RSL1D1: variants seen among roughly 807,000 people sequenced by gnomAD.
The protein encoded by RSL1D1 is ribosomal L1 domain-containing protein 1.
Under a neutral mutation model 44.6 loss-of-function variants are expected in RSL1D1, and 34 were observed. The ratio of observed to expected loss-of-function variants is 0.76; its 90% CI spans 0.58 to 1.02. The LOEUF (loss-of-function observed/expected upper bound fraction) is 1.02. RSL1D1 is among the 50% of genes least tolerant of loss of function. The probability of loss-of-function intolerance (pLI) is 0.00; values close to 1 mark genes in which losing one functional copy is unlikely to be tolerated. For synonymous variants in RSL1D1, 271 were observed against 207.4 expected, an observed-to-expected ratio of 1.31 and a Z score of -2.63; for missense variants, 767 against 568.1, an observed-to-expected ratio of 1.35 and a Z score of -3.56.
At chr16:11,844,660 C>G (rs1218719422) in intron 5 of RSL1D1, among the ~76,000 whole-genome samples, 1 of 152,198 alleles carries the variant, frequency 6.6e-6, no homozygotes, top group African/African-American at 2.4e-5. Context: ...CCCTGGTGAG[C>G]AGAGGCAAGA....
rs759239307 is a variant in RSL1D1, at chr16:11,837,956, T to C, written c.1304A>G (p.Lys435Arg). 18 of 1,613,996 alleles carry C rather than the reference T, an allele frequency of 1.1e-5. No homozygotes were observed. In the East Asian group the frequency reaches 3.3e-4, roughly 30 times the overall value. ...ACTTTTTTCCTTCACTGCCTCTTCTTTGATTTTTGGCTTCTTCTCTGGGCT... is the reference window on the plus strand; with the variant it reads ...ACTTTTTTCCTTCACTGCCTCTTCTCTGATTTTTGGCTTCTTCTCTGGGCT... ...GKSPEKKPKI[K>R]EEAVKEKSPS... Residue 435 changes from lysine to arginine, a missense_variant, in exon 9 of 9, where the codon AAA becomes AGA. Physicochemically the swap from Lys to Arg is conservative, Grantham distance 26. Coordinates refer to ENST00000571133, the MANE Select transcript of RSL1D1 (RefSeq NM_015659.3).
chr16:11,841,623 TC>T, intron 7 of RSL1D1, 71 bp downstream of exon 7: 1 of 1,407,438 alleles, frequency 7.1e-7, no homozygotes, highest in East Asian at 2.3e-5. Flanking sequence ...GCGATGATGG[TC>T]TACTTCTCTC....
At position 11,835,896 on chromosome 16, in the gene RSL1D1, G is replaced by A. The variant is rs186833204; in HGVS notation, c.*1891C>T. On this transcript the variant is annotated 3_prime_UTR_variant, in exon 9 of 9. Transcript: ENST00000571133. ...GGAACACCAAGCTCTGTGCTAAAGGGTGGAAGGCTGCCCTGACGCACCATA... is the reference window on the plus strand; with the variant it reads ...GGAACACCAAGCTCTGTGCTAAAGGATGGAAGGCTGCCCTGACGCACCATA... 1.1e-3 allele frequency: 160 copies of A among 152,272 alleles called. No individual in the cohort carries two copies. Among genetic ancestry groups the A allele is most frequent in the Non-Finnish European group, 1.8e-3 (124 of 68,026 alleles). 9.4% of individuals were successfully genotyped at this position (152,272 alleles called of 1,614,324 possible).
At chr16:11,839,237 G>T (rs1318088723) in intron 8 of RSL1D1, among the ~76,000 whole-genome samples, 1 of 151,638 alleles carries the variant, frequency 6.6e-6, no homozygotes. Flanking sequence ...ATGGTAGTGC[G>T]CGCCTGTAAT....
At chr16:11,850,200 G>C in intron 2 of RSL1D1, 79 bp downstream of exon 2, 3 of 1,363,890 alleles carry the variant, frequency 2.2e-6, no homozygotes, top group Non-Finnish European at 3.0e-6. Flanking sequence ...GTTTCCATTA[G>C]TAACCATGAT....
chr16:11,836,617 T>C lies in RSL1D1; in HGVS notation c.*1170A>G, dbSNP rs1484673176. 2.6e-5 allele frequency: 4 copies of C among 152,206 alleles called. No individual in the cohort carries two copies. Among genetic ancestry groups the C allele is most frequent in the African/African-American group, 9.6e-5 (4 of 41,456 alleles). 9.4% of individuals were successfully genotyped at this position (152,206 alleles called of 1,614,324 possible). On this transcript the variant is annotated 3_prime_UTR_variant, in exon 9 of 9. Transcript: ENST00000571133. ...GACTGAGGAATAAGGAGGAAGAGGA[T>C]AAGGCTTATGGAAGATAAATCATGT...
chr16:11,840,720 C>G (rs1417025445), intron 7 of RSL1D1, among the ~76,000 whole-genome samples: 2 of 152,142 alleles, frequency 1.3e-5, no homozygotes, highest in Non-Finnish European at 2.9e-5. Flanking sequence ...ACCTACAAAC[C>G]AAGCTCAGGA....
intron 5 of RSL1D1, among the ~76,000 whole-genome samples, chr16:11,843,912 T>G (rs2053781463): frequency 6.7e-6 from 1 of 149,180 alleles, no homozygotes; most frequent in Non-Finnish European, 1.5e-5. Flanking sequence ...ATAGTTCTTG[T>G]CCCTGGTGGA....
intron 5 of RSL1D1, among the ~76,000 whole-genome samples, chr16:11,843,473 G>A (rs1036567980): frequency 1.3e-5 from 2 of 152,042 alleles, no homozygotes; most frequent in African/African-American, 2.4e-5. Context: ...ACCCCATGTC[G>A]CTGAGTCCGC....
rs1296109356 is a variant in RSL1D1 at position 11,849,937 on chromosome 16, C to G, written c.245+342G>C. ...AGACATCTCCGCTCACTGCCACTCT[C>G]CTGCCTCAGCCTCCCGAGTAGCTGA... On this transcript the variant is annotated intron_variant, in intron 2 of 8. Transcript: ENST00000571133. Among the ~76,000 whole-genome samples, 4 of 152,298 alleles carry G rather than the reference C, an allele frequency of 2.6e-5. No homozygotes were observed. The South Asian group carries it at 8.3e-4, about 32-fold the overall frequency.
At chr16:11,850,152 T>C (rs944137265) in intron 2 of RSL1D1, 127 bp downstream of exon 2, 3 of 917,118 alleles carry the variant, frequency 3.3e-6, no homozygotes, top group Non-Finnish European at 4.7e-6. Flanking sequence ...GACATAGTTG[T>C]TTTACTTCAC....
At chr16:11,841,124 T>C (rs999744405) in intron 7 of RSL1D1, among the ~76,000 whole-genome samples, 2 of 152,162 alleles carry the variant, frequency 1.3e-5, no homozygotes, top group Non-Finnish European at 2.9e-5. Flanking sequence ...AGCCAGTTAA[T>C]CCAGGCCAGG....
chr16:11,846,465 G>T, intron 5 of RSL1D1, 36 bp downstream of exon 5: 1 of 1,016,432 alleles, frequency 9.8e-7, no homozygotes, highest in Non-Finnish European at 1.5e-6. Context: ...TCAAATACAA[G>T]ATTAAAAGAG....
chr16:11,840,541 C>A (rs11640117), intron 7 of RSL1D1, among the ~76,000 whole-genome samples: 1 of 152,128 alleles, frequency 6.6e-6, no homozygotes, highest in Non-Finnish European at 1.5e-5. Flanking sequence ...GCACTTCAGC[C>A]TGGGCGACAG....
chr16:11,835,864 G>A lies in RSL1D1; in HGVS notation c.*1923C>T, dbSNP rs2053712870. On this transcript the variant is annotated 3_prime_UTR_variant, in exon 9 of 9. Transcript: ENST00000571133. The stretch of plus-strand genomic sequence containing the variant: ...GGGTCAAGGGTCTAAAACCCCTTGT[G>A]GTCTTTGGAACACCAAGCTCTGTGC... 6.6e-6 allele frequency: 1 copy of A among 152,112 alleles called. No homozygotes were observed. The highest frequency in any genetic ancestry group is 2.4e-5 in the African/African-American group (1 of 41,432). The allele number at this position is 152,112 out of a possible 1,614,324, so 9.4% of individuals were successfully genotyped here.
chr16:11,846,953 C>G (rs1439767482), intron 3 of RSL1D1, 110 bp from the exon 4 acceptor site: 2 of 945,360 alleles, frequency 2.1e-6, no homozygotes, highest in Non-Finnish European at 1.6e-6. Flanking sequence ...AGAGCCATGC[C>G]TCTATACTTT....
rs763566583 is a variant in RSL1D1, at chr16:11,841,676, T to C, written c.855+19A>G. On this transcript the variant is annotated intron_variant, in intron 7 of 8. Coordinates refer to ENST00000571133, the MANE Select transcript of RSL1D1 (RefSeq NM_015659.3). ...CACCCTTCATTATTCATTCTGTAAG[T>C]ATTTAAAATTCTACTAACTTTTTTC... 3.1e-6 allele frequency: 5 copies of C among 1,601,208 alleles called. No individual in the cohort carries two copies. In the African/African-American group the frequency reaches 6.7e-5, roughly 22 times the overall value.
chr16:11,839,560 ATG>A, intron 8 of RSL1D1, 133 bp downstream of exon 8: 14 of 1,080,100 alleles, frequency 1.3e-5, no homozygotes, highest in Admixed American at 6.3e-5. Flanking sequence ...ACAATAAATC[ATG>A]ATATGATAAC....
intron 2 of RSL1D1, among the ~76,000 whole-genome samples, chr16:11,849,970 G>C (rs1261551670): frequency 2.0e-5 from 3 of 152,090 alleles, no homozygotes; most frequent in Admixed American, 6.6e-5. Context: ...TGAGATTACA[G>C]GCACCCGCCA....
Sources: allele counts gnomAD v4.1 joint callset (sites outside exome capture counted in the v4.1 genomes callset), GRCh38; gene constraint gnomAD v4.1.1; transcripts MANE v1.5; gene names NCBI Gene and HGNC (gene_info 2026-07-23, HGNC 2026-07-21).